CDH19: variants seen among roughly 807,000 people sequenced by gnomAD.
CDH19 encodes cadherin-19.
A neutral mutation model predicts 64.2 loss-of-function variants in CDH19; 67 were observed. The ratio of observed to expected loss-of-function variants is 1.04; its 90% CI spans 0.86 to 1.28. CDH19 has a LOEUF of 1.28. CDH19 is among the 50% of genes most tolerant of loss of function. CDH19 has a pLI of 0.00. For missense variants in CDH19, 1,030 were observed against 929.0 expected (o/e 1.11, Z -1.41); for synonymous variants, 346 against 319.3 (o/e 1.08, Z -0.89).
Position 66,544,154 on chromosome 18 carries a change from T to C in CDH19, c.1031A>G (p.Gln344Arg). ...AKVKNHHVPE[Q>R]LMKYHTEAST... ...AGCCTCAGTGTGGTACTTCATGAGC[T>C]GCTCAGGAACATGATGGTTTTTAAC... Residue 344 changes from glutamine (Q) to arginine (R), a missense_variant, in exon 7 of 12, where the codon CAG (glutamine) becomes CGG (arginine). By Grantham distance (43) the Gln-to-Arg change is conservative (BLOSUM62 1). Transcript: ENST00000262150. 1.2e-6 allele frequency: 2 copies of C among 1,613,662 alleles called. No homozygotes were observed. The highest frequency in any genetic ancestry group is 1.7e-6 in the Non-Finnish European group (2 of 1,179,560).
Position 66,505,033 on chromosome 18 carries a change from G to C in CDH19, c.2098C>G (p.Leu700Val). 2 of 1,613,664 alleles carry C rather than the reference G, an allele frequency of 1.2e-6. No individual in the cohort carries two copies. The highest frequency in any genetic ancestry group is 1.7e-6 in the Non-Finnish European group (2 of 1,179,766). ...GTATTAGCTTCTTCGAGCTTTTCCAGAATGAATTTCCTGAATATGGCACTG... is the reference window on the plus strand; with the variant it reads ...GTATTAGCTTCTTCGAGCTTTTCCACAATGAATTTCCTGAATATGGCACTG... Reference protein sequence around the residue: ...PDSAIFRKFILEKLEEANTDP... With the variant: ...PDSAIFRKFIVEKLEEANTDP... Residue 700 changes from leucine (L) to valine (V), a missense_variant, in exon 12 of 12, where the codon CTG becomes GTG. By Grantham distance (32) the Leu-to-Val change is conservative (BLOSUM62 1). Coordinates refer to ENST00000262150, the MANE Select transcript of CDH19 (RefSeq NM_021153.4).
intron 1 of CDH19, among the ~76,000 whole-genome samples, chr18:66,575,401 G>A (rs1371632264): frequency 6.6e-6 from 1 of 151,788 alleles, no homozygotes; most frequent in Non-Finnish European, 1.5e-5. Flanking sequence ...TAACACTGGG[G>A]CTAGTAATGC....
At chr18:66,588,957 CAAT>C (rs991191703) in intron 1 of CDH19, among the ~76,000 whole-genome samples, 16 of 151,200 alleles carry the variant, frequency 1.1e-4, no homozygotes, top group African/African-American at 2.4e-4. Context: ...CTACTTCCAA[CAAT>C]AATAACAACA....
At chr18:66,582,168 A>C (rs1268273043) in intron 1 of CDH19, among the ~76,000 whole-genome samples, 1 of 152,138 alleles carries the variant, frequency 6.6e-6, no homozygotes, top group African/African-American at 2.4e-5. Context: ...CAAATGACAA[A>C]ATATATGTTT....
At chr18:66,547,355 T>C (rs181273592) in intron 5 of CDH19, among the ~76,000 whole-genome samples, 1 of 152,020 alleles carries the variant, frequency 6.6e-6, no homozygotes, top group Admixed American at 6.6e-5. Context: ...TATGTATATG[T>C]GTGTGTTTTG....
chr18:66,564,588 T>A (rs932151325), intron 3 of CDH19, among the ~76,000 whole-genome samples: 4 of 151,930 alleles, frequency 2.6e-5, no homozygotes, highest in African/African-American at 9.7e-5. Context: ...CAGAAATATG[T>A]GAAACTAAAT....
At position 66,535,061 on chromosome 18, in the gene CDH19, T is replaced by C. The variant is rs1986605127; in HGVS notation, c.1261A>G (p.Thr421Ala). ...SKVFNINDNG[T>A]ITTSNSLDRE... ...TCCAGTGAGTTACTTGTAGTGATTG[T>C]ACCATTATCATTGATATTGAACACT... is the stretch of plus-strand genomic sequence containing the variant. Residue 421 changes from threonine to alanine, a missense_variant, in exon 8 of 12, where the codon ACA becomes GCA. Transcript: ENST00000262150. 2 of 1,509,538 alleles carry C rather than the reference T, an allele frequency of 1.3e-6. No individual in the cohort carries two copies. The highest frequency in any genetic ancestry group is 1.8e-6 in the Non-Finnish European group (2 of 1,110,440). 93.5% of individuals were successfully genotyped at this position (1,509,538 alleles called of 1,614,324 possible).
chr18:66,574,898 A>G (rs1469770572), intron 1 of CDH19, among the ~76,000 whole-genome samples: 1 of 151,852 alleles, frequency 6.6e-6, no homozygotes, highest in East Asian at 1.9e-4. Flanking sequence ...TTGAAAATGA[A>G]AAGAAATTAA....
In CDH19 at chr18:66,505,086, T is replaced by A; in HGVS notation, c.2045A>T (p.Tyr682Phe). The A allele has an allele frequency of 6.2e-7, 1 of 1,613,736 alleles. No homozygotes were observed. The highest frequency in any genetic ancestry group is 8.5e-7 in the Non-Finnish European group (1 of 1,179,788). The change falls in exon 12 of 12, where the codon TAC becomes TTC. Residue 682 changes from tyrosine to phenylalanine, a missense_variant. Physicochemically the swap from Tyr to Phe is conservative, Grantham distance 22. Coordinates refer to ENST00000262150, the MANE Select transcript of CDH19 (RefSeq NM_021153.4). ...KTTSAEIRSL[Y>F]RQSLQVGPDS... Reference sequence around the variant, plus strand: ...GGGGCCAACTTGCAAAGACTGCCTGTATAGGCTCCTGATCTCAGCGCTTGT... The same window carrying A: ...GGGGCCAACTTGCAAAGACTGCCTGAATAGGCTCCTGATCTCAGCGCTTGT...
chr18:66,589,939 C>T (rs2144624315), intron 1 of CDH19, among the ~76,000 whole-genome samples: 1 of 151,516 alleles, frequency 6.6e-6, no homozygotes, highest in South Asian at 2.1e-4. Context: ...GTAATTATGA[C>T]TTTAACAAAT....
At chr18:66,588,469 T>C (rs530828900) in intron 1 of CDH19, among the ~76,000 whole-genome samples, 1 of 151,862 alleles carries the variant, frequency 6.6e-6, no homozygotes, top group Admixed American at 6.6e-5. Flanking sequence ...TTGAACTTCA[T>C]AGTGGCCAGA....
In CDH19 at chr18:66,562,498, G is replaced by T. The variant is rs565754312; in HGVS notation, c.490+5918C>A. Among the ~76,000 whole-genome samples the T allele has an allele frequency of 9.9e-5, 15 of 152,066 alleles. No individual in the cohort carries two copies. In the South Asian group the frequency reaches 3.1e-3, roughly 32 times the overall value. ...AGGAGCGGCTGTAAATACAAATGAG[G>T]CTTAGCTCTTTTGCCTGCTGCTCAC... On this transcript the variant is annotated intron_variant, in intron 3 of 11. Transcript: ENST00000262150.
At chr18:66,567,994 T>C (rs185451931) in intron 3 of CDH19, among the ~76,000 whole-genome samples, 15 of 151,966 alleles carry the variant, frequency 9.9e-5, no homozygotes, top group African/African-American at 3.6e-4. Context: ...TTTTTCTTCA[T>C]GATTTTGATG....
At chr18:66,550,004 A>AG (rs1237846962) in intron 5 of CDH19, among the ~76,000 whole-genome samples, 1 of 152,118 alleles carries the variant, frequency 6.6e-6, no homozygotes, top group Non-Finnish European at 1.5e-5. Context: ...GAAAAGGATG[A>AG]GGAAAAAAAA....
chr18:66,507,798 C>G (rs1261566639), intron 11 of CDH19, among the ~76,000 whole-genome samples: 1 of 151,802 alleles, frequency 6.6e-6, no homozygotes, highest in South Asian at 2.1e-4. Flanking sequence ...TTTTAATTGA[C>G]AAAAACATAT....
At chr18:66,574,794 T>G (rs1014559214) in intron 1 of CDH19, among the ~76,000 whole-genome samples, 2 of 151,802 alleles carry the variant, frequency 1.3e-5, no homozygotes, top group Non-Finnish European at 2.9e-5. Flanking sequence ...GACAACGATA[T>G]GTTATATATA....
intron 1 of CDH19, among the ~76,000 whole-genome samples, chr18:66,591,808 A>AT (rs1237249992): frequency 3.3e-5 from 5 of 151,874 alleles, no homozygotes; most frequent in East Asian, 1.9e-4. Flanking sequence ...TTTTGAAGAC[A>AT]TTTTTTGCAC....
chr18:66,544,287 A>T lies in CDH19; in HGVS notation c.961-63T>A, dbSNP rs536001730. Reference sequence around the variant, plus strand: ...TAGTAACCCAAGATACTATTTAGAAAAAAGGTTTTACCTGTTAAATTAAGT... The same window carrying T: ...TAGTAACCCAAGATACTATTTAGAATAAAGGTTTTACCTGTTAAATTAAGT... On this transcript the variant is annotated intron_variant, in intron 6 of 11. Transcript: ENST00000262150. The T allele has an allele frequency of 5.5e-3, 8,238 of 1,496,922 alleles. 42 individuals are homozygous for T. The highest frequency in any genetic ancestry group is 6.5e-3 in the Non-Finnish European group (7,190 of 1,113,540). The allele number at this position is 1,496,922 out of a possible 1,614,324, so 92.7% of individuals were successfully genotyped here. A position where few individuals can be genotyped will look rare whatever the true frequency, so the allele number is the denominator to read the frequency against.
Position 66,568,396 on chromosome 18 carries a change from T to C in CDH19, c.490+20A>G, listed in dbSNP as rs768153240. 5 of 1,565,726 alleles carry C rather than the reference T, an allele frequency of 3.2e-6. No individual in the cohort carries two copies. Among genetic ancestry groups the C allele is most frequent in the Admixed American group, 1.8e-5 (1 of 56,542 alleles). Reference sequence around the variant, plus strand: ...TGCTTCATTGTTAATATATCTTTGATGTAAATTAATATGCAATACCTTCTG... The same window carrying C: ...TGCTTCATTGTTAATATATCTTTGACGTAAATTAATATGCAATACCTTCTG... On this transcript the variant is annotated intron_variant, in intron 3 of 11. Coordinates refer to ENST00000262150, the MANE Select transcript of CDH19 (RefSeq NM_021153.4).
Sources: gnomAD v4.1 joint callset for allele counts (sites outside exome capture counted in the v4.1 genomes callset) on GRCh38, gnomAD v4.1.1 for gene constraint, MANE v1.5 for transcripts, NCBI Gene and HGNC (gene_info 2026-07-23, HGNC 2026-07-21) for gene names.